VPS13B: variants seen among roughly 807,000 people sequenced by gnomAD.
VPS13B encodes the protein vacuolar protein sorting 13 homolog B.
Under a neutral mutation model 426.4 loss-of-function variants are expected in VPS13B, and 285 were observed. That is an observed-to-expected ratio of 0.67 (90% CI 0.61 to 0.74). VPS13B has a LOEUF of 0.74. Among genes scored for constraint, VPS13B ranks in the 30% least tolerant of loss-of-function variants. The pLI, the probability that VPS13B is intolerant of heterozygous loss-of-function variation, is 0.00. For synonymous variants in VPS13B, 1,676 were observed against 1,676.4 expected, an observed-to-expected ratio of 1.00 and a Z score of 0.01; for missense variants, 4,537 against 4,782.6, an observed-to-expected ratio of 0.95 and a Z score of 1.51.
At chr8:99,172,622 C>G (rs1812407371) in intron 16 of VPS13B, among the ~76,000 whole-genome samples, 1 of 152,010 alleles carries the variant, frequency 6.6e-6, no homozygotes, top group Admixed American at 6.6e-5. Flanking sequence ...GTTTTGAAGG[C>G]CCTGTTAATC....
At chr8:99,016,583 ATTC>A (rs1332460163) in intron 2 of VPS13B, among the ~76,000 whole-genome samples, 3 of 124,298 alleles carry the variant, frequency 2.4e-5, no homozygotes, top group African/African-American at 9.1e-5. Context: ...ATATATAGGA[ATTC>A]TTTTTTTTTT....
chr8:99,571,361 A>G (rs1414208928), intron 31 of VPS13B, among the ~76,000 whole-genome samples: 1 of 152,012 alleles, frequency 6.6e-6, no homozygotes, highest in Non-Finnish European at 1.5e-5. Flanking sequence ...ATCTGTAAAG[A>G]TTTTCAATGA....
chr8:99,164,395 T>C (rs1811869760), intron 15 of VPS13B, among the ~76,000 whole-genome samples: 1 of 152,174 alleles, frequency 6.6e-6, no homozygotes, highest in Admixed American at 6.5e-5. Context: ...CATCTCGTAC[T>C]ATCCCTGACT....
chr8:99,855,732 T>C (rs74486077), intron 56 of VPS13B, among the ~76,000 whole-genome samples: 3,524 of 152,296 alleles, frequency 0.023, 143 homozygotes, highest in African/African-American at 0.081. Flanking sequence ...ATAATGAAAT[T>C]CATAGACTTA....
intron 25 of VPS13B, among the ~76,000 whole-genome samples, chr8:99,494,664 A>G (rs951184080): frequency 1.2e-4 from 18 of 151,928 alleles, no homozygotes; most frequent in South Asian, 2.1e-4. Flanking sequence ...TTCCTTTCCA[A>G]TTTGGTTGCC....
intron 21 of VPS13B, among the ~76,000 whole-genome samples, chr8:99,397,589 A>G (rs1814803959): frequency 1.3e-5 from 2 of 152,232 alleles, no homozygotes; most frequent in South Asian, 4.1e-4. Flanking sequence ...TGCTTTAAAC[A>G]AGATCCAATT....
At chr8:99,383,384 A>G (rs780711131) in intron 19 of VPS13B, among the ~76,000 whole-genome samples, 4 of 152,166 alleles carry the variant, frequency 2.6e-5, no homozygotes, top group Non-Finnish European at 5.9e-5. Context: ...TATTTTACCT[A>G]AAGTATTCCA....
intron 17 of VPS13B, among the ~76,000 whole-genome samples, chr8:99,239,913 G>A (rs1442424833): frequency 2.0e-5 from 3 of 152,152 alleles, no homozygotes; most frequent in African/African-American, 7.2e-5. Flanking sequence ...ATGGTATTTT[G>A]GTGGCTCAGT....
intron 19 of VPS13B, among the ~76,000 whole-genome samples, chr8:99,316,808 C>G (rs1345096000): frequency 6.6e-6 from 1 of 152,148 alleles, no homozygotes; most frequent in Non-Finnish European, 1.5e-5. Context: ...CTCTAGTCAG[C>G]CATTGTGAAG....
In VPS13B at chr8:99,507,851, G is replaced by A. The variant is rs1452570586; in HGVS notation, c.4224+648G>A. The stretch of plus-strand genomic sequence containing the variant: ...CTGACAAGCTGAACAGACGCACCTT[G>A]TTGGTTCGACCCATCAGCAAGCAGG... On this transcript the variant is annotated intron_variant, in intron 28 of 61. Transcript: ENST00000357162. 6.2e-7 allele frequency: 1 copy of A among 1,613,934 alleles called. No individual in the cohort carries two copies. The highest frequency in any genetic ancestry group is 1.3e-5 in the African/African-American group (1 of 74,898).
intron 15 of VPS13B, among the ~76,000 whole-genome samples, chr8:99,168,491 G>A (rs1439986141): frequency 6.6e-6 from 1 of 151,986 alleles, no homozygotes; most frequent in Admixed American, 6.6e-5. Context: ...TTCATAACTC[G>A]AAATATTTGG....
chr8:99,321,204 CTTTTTCTTTTTTTTT>C lies in VPS13B; in HGVS notation c.2824+45956_2824+45970del, dbSNP rs1268637857. Reference sequence around the variant, plus strand: ...TTACTCACAATTTTCTTTCTTTTTTCTTTTTCTTTTTTTTTTTTTTTTTTGAGACAGAGTCTTGCT... The same window carrying C: ...TTACTCACAATTTTCTTTCTTTTTTCTTTTTTTTTGAGACAGAGTCTTGCT... On this transcript the variant is annotated intron_variant, in intron 19 of 61. Transcript: ENST00000357162. Among the ~76,000 whole-genome samples, 11 of 126,554 alleles carry C rather than the reference CTTTTTCTTTTTTTTT, an allele frequency of 8.7e-5. 2 individuals carry two copies. The highest frequency in any genetic ancestry group is 3.3e-4 in the African/African-American group (11 of 33,306). The allele number at this position is 126,554 out of a possible 152,430, so 83.0% of individuals were successfully genotyped here. A position where few individuals can be genotyped will look rare whatever the true frequency, so the allele number is the denominator to read the frequency against.
At chr8:99,211,996 G>C (rs1232431058) in intron 17 of VPS13B, among the ~76,000 whole-genome samples, 1 of 151,546 alleles carries the variant, frequency 6.6e-6, no homozygotes, top group African/African-American at 2.4e-5. Context: ...GGGTTCATGC[G>C]ATTCTCCTGC....
chr8:99,350,953 T>A (rs576812876), intron 19 of VPS13B, among the ~76,000 whole-genome samples: 1 of 152,136 alleles, frequency 6.6e-6, no homozygotes, highest in Admixed American at 6.5e-5. Flanking sequence ...GTACTGTTCA[T>A]ATTCAAATAG....
chr8:99,539,848 T>TTTTTTC (rs1301839636), intron 30 of VPS13B, among the ~76,000 whole-genome samples: 1 of 150,278 alleles, frequency 6.7e-6, no homozygotes, highest in Non-Finnish European at 1.5e-5. Flanking sequence ...TTCTGTTTCT[T>TTTTTTC]TTTTTCTTTT....
intron 43 of VPS13B, among the ~76,000 whole-genome samples, chr8:99,789,587 G>C (rs190020188): frequency 2.6e-5 from 4 of 152,232 alleles, no homozygotes; most frequent in Admixed American, 2.6e-4. Flanking sequence ...CCACTGGAGA[G>C]AAGGCAAATT....
At chr8:99,108,213 G>C (rs1847153494) in intron 5 of VPS13B, among the ~76,000 whole-genome samples, 1 of 152,116 alleles carries the variant, frequency 6.6e-6, no homozygotes, top group Non-Finnish European at 1.5e-5. Flanking sequence ...TTCGATGGTG[G>C]ATACGTCTTG....
intron 27 of VPS13B, among the ~76,000 whole-genome samples, chr8:99,503,812 A>G (rs1821358600): frequency 6.6e-6 from 1 of 152,154 alleles, no homozygotes. Context: ...CCTGAAAGTC[A>G]CCCATCGGGG....
At chr8:99,737,848 A>G (rs542868779) in intron 39 of VPS13B, among the ~76,000 whole-genome samples, 2 of 152,348 alleles carry the variant, frequency 1.3e-5, no homozygotes, top group South Asian at 4.1e-4. Flanking sequence ...GGAATTTGGT[A>G]AGTGTGTTTT....
Sources: allele counts gnomAD v4.1 joint callset (sites outside exome capture counted in the v4.1 genomes callset), GRCh38; gene constraint gnomAD v4.1.1; transcripts MANE v1.5; gene names NCBI Gene and HGNC (gene_info 2026-07-23, HGNC 2026-07-21).